RNF144A: variants seen among roughly 807,000 people sequenced by gnomAD.
RNF144A encodes ring finger protein 144A.
A neutral mutation model predicts 38.7 loss-of-function variants in RNF144A; 11 were observed. The observed-to-expected ratio is 0.28, with a 90% CI of 0.18 to 0.47. The LOEUF is 0.47. RNF144A is among the 20% of genes least tolerant of loss of function. The pLI is 0.99. For synonymous variants in RNF144A, 149 were observed against 143.9 expected, an observed-to-expected ratio of 1.04 and a Z score of -0.25; for missense variants, 316 against 377.2, an observed-to-expected ratio of 0.84 and a Z score of 1.34.
chr2:7,056,155 A>G (rs1376374304), intron 6 of RNF144A, among the ~76,000 whole-genome samples: 2 of 152,318 alleles, frequency 1.3e-5, no homozygotes, highest in Non-Finnish European at 2.9e-5. Context: ...TGGGAAGCCT[A>G]TAAAATGCAC....
At chr2:7,029,355 G>A (rs1414706072) in intron 7 of RNF144A, among the ~76,000 whole-genome samples, 1 of 152,202 alleles carries the variant, frequency 6.6e-6, no homozygotes, top group Non-Finnish European at 1.5e-5. Flanking sequence ...TGAGATCTGG[G>A]TGCCAAGCAC....
chr2:7,052,862 C>CA (rs1673584958), intron 6 of RNF144A, among the ~76,000 whole-genome samples: 2 of 151,386 alleles, frequency 1.3e-5, no homozygotes, highest in East Asian at 3.9e-4. Context: ...CACACACACA[C>CA]CATTTGCATA....
Position 7,066,918 on chromosome 2 carries a change from T to C in RNF144A, c.735-1298T>C, listed in dbSNP as rs535802453. Among the ~76,000 whole-genome samples the C allele has an allele frequency of 2.0e-5, 3 of 152,298 alleles. No individual in the cohort carries two copies. The South Asian group carries it at 6.2e-4, about 32-fold the overall frequency. The stretch of plus-strand genomic sequence containing the variant: ...TAGTTTTAAAAGGCTTTTAACTGTT[T>C]AGTCTGAGATTCCCCTAAAAGTTCC... On this transcript the variant is annotated intron_variant, in intron 6 of 6. Coordinates refer to the RNF144A transcript ENST00000432850.
intron 2 of RNF144A, among the ~76,000 whole-genome samples, chr2:6,966,373 G>C (rs757979917): frequency 1.3e-5 from 2 of 152,244 alleles, no homozygotes; most frequent in Non-Finnish European, 2.9e-5. Flanking sequence ...TAAAGTTTGA[G>C]TTATTCTCCA....
chr2:7,028,390 A>C (rs1041873733), intron 7 of RNF144A, among the ~76,000 whole-genome samples: 2 of 152,196 alleles, frequency 1.3e-5, no homozygotes, highest in Non-Finnish European at 2.9e-5. Context: ...ATGGATCAGA[A>C]TCACTTAGGG....
In RNF144A at chr2:6,943,633, T is replaced by G. The variant is rs1666156871; in HGVS notation, c.-12+2486T>G. On this transcript the variant is annotated intron_variant, in intron 2 of 8. Transcript: ENST00000320892. The surrounding 1 kb of genome is among the most constrained non-coding windows in gnomAD (Gnocchi z 4.3). ...ACACTTCTTGAGTAGGAGAGAGAGA[T>G]GGGTTTGTGGAAAAGTGGAGTTACT... 6.6e-6 allele frequency among the ~76,000 whole-genome samples: 1 copy of G among 151,760 alleles called. No homozygotes were observed. The highest frequency in any genetic ancestry group is 2.4e-5 in the African/African-American group (1 of 41,300).
At chr2:6,989,119 G>C (rs1669172382) in intron 2 of RNF144A, among the ~76,000 whole-genome samples, 1 of 152,146 alleles carries the variant, frequency 6.6e-6, no homozygotes, top group African/African-American at 2.4e-5. Flanking sequence ...TTGCAAACTG[G>C]GATGTCATTC....
the RNF144A span, among the ~76,000 whole-genome samples, chr2:7,075,897 G>A: frequency 1.3e-5 from 2 of 152,296 alleles, no homozygotes; most frequent in South Asian, 2.1e-4. Context: ...CTTGGAAAGC[G>A]TAATCTGCCA....
chr2:7,011,907 A>G (rs890220521), intron 3 of RNF144A, among the ~76,000 whole-genome samples: 1 of 152,180 alleles, frequency 6.6e-6, no homozygotes, highest in African/African-American at 2.4e-5. Context: ...CCTTTTGCAG[A>G]TTGTACAGAT....
intron 1 of RNF144A, among the ~76,000 whole-genome samples, chr2:6,924,277 C>T (rs890428570): frequency 5.9e-5 from 9 of 152,182 alleles, no homozygotes; most frequent in Admixed American, 3.3e-4. Context: ...TAACAGCTGG[C>T]GAGACTTCCG....
At chr2:6,931,180 A>G (rs960975888) in intron 1 of RNF144A, among the ~76,000 whole-genome samples, 13 of 152,226 alleles carry the variant, frequency 8.5e-5, no homozygotes, top group Admixed American at 7.2e-4. Flanking sequence ...TGAGCAGAGA[A>G]GGCAAGACTG....
intron 6 of RNF144A, among the ~76,000 whole-genome samples, chr2:7,049,982 C>T (rs949765494): frequency 2.0e-5 from 3 of 152,200 alleles, no homozygotes; most frequent in African/African-American, 2.4e-5. Flanking sequence ...ACAATCTCCT[C>T]GGCTTTTTCA....
At chr2:7,013,002 T>A (rs1414305466) in intron 3 of RNF144A, among the ~76,000 whole-genome samples, 2 of 152,186 alleles carry the variant, frequency 1.3e-5, no homozygotes, top group African/African-American at 4.8e-5. Flanking sequence ...AAGTTACAGC[T>A]CTTGAGAAAA....
chr2:6,999,813 T>C (rs1199401760), intron 3 of RNF144A, among the ~76,000 whole-genome samples: 1 of 152,332 alleles, frequency 6.6e-6, no homozygotes, highest in East Asian at 1.9e-4. Flanking sequence ...TGGGCAGCTC[T>C]CCCTAAATGT....
rs1672983577 is a variant in RNF144A at position 7,040,561 on chromosome 2, C to T, written c.*801C>T. ...TTCTCTCTTTGGTGATTCAGCTCAG[C>T]TCATGGGCCTCATCCCTTCTCTCCC... On this transcript the variant is annotated 3_prime_UTR_variant, in exon 9 of 9. Coordinates refer to ENST00000320892, the MANE Select transcript of RNF144A (RefSeq NM_014746.6). 6.1e-6 allele frequency: 6 copies of T among 985,440 alleles called. No homozygotes were observed. The highest frequency in any genetic ancestry group is 7.2e-6 in the Non-Finnish European group (6 of 829,934). The allele number at this position is 985,440 out of a possible 1,614,324, so 61.0% of individuals were successfully genotyped here.
At chr2:6,959,862 G>C (rs898440051) in intron 2 of RNF144A, among the ~76,000 whole-genome samples, 1 of 152,178 alleles carries the variant, frequency 6.6e-6, no homozygotes, top group East Asian at 1.9e-4. Flanking sequence ...TGAAACCATA[G>C]CACTGGAGCA....
chr2:7,031,885 C>T (rs906191937), intron 8 of RNF144A, among the ~76,000 whole-genome samples: 3 of 152,240 alleles, frequency 2.0e-5, no homozygotes, highest in Non-Finnish European at 1.5e-5. Context: ...AAGCTGCCAA[C>T]GGTACGTCAG....
intron 1 of RNF144A, among the ~76,000 whole-genome samples, chr2:6,924,856 T>C (rs1664760217): frequency 6.6e-6 from 1 of 152,256 alleles, no homozygotes; most frequent in African/African-American, 2.4e-5. Flanking sequence ...GAGTAACTTA[T>C]GTGCCCATGG....
chr2:7,007,421 C>A (rs1670516749), intron 3 of RNF144A, among the ~76,000 whole-genome samples: 1 of 152,238 alleles, frequency 6.6e-6, no homozygotes, highest in African/African-American at 2.4e-5. Flanking sequence ...CACATTGTCT[C>A]ACACTCAGCC....
Sources: allele counts gnomAD v4.1 joint callset (sites outside exome capture counted in the v4.1 genomes callset), GRCh38; gene constraint gnomAD v4.1.1; non-coding constraint Gnocchi (gnomAD v3.1); transcripts MANE v1.5; gene names NCBI Gene and HGNC (gene_info 2026-07-23, HGNC 2026-07-21).